The following DLGAP1 variants were observed in gnomAD, a reference collection of about 807,000 sequenced individuals.
DLGAP1 encodes the protein DLG associated protein 1.
A neutral mutation model predicts 90.8 loss-of-function variants in DLGAP1; 11 were observed. That is an observed-to-expected ratio of 0.12 (90% CI 0.08 to 0.20). DLGAP1 has a LOEUF of 0.20. DLGAP1 is among the 10% of genes least tolerant of loss of function. The pLI is 1.00. For missense variants in DLGAP1, 1,050 were observed against 1,333.8 expected, an observed-to-expected ratio of 0.79 and a Z score of 3.31; for synonymous variants, 558 against 540.7, an observed-to-expected ratio of 1.03 and a Z score of -0.44.
At chr18:4,094,035 G>A (rs1374509448) in intron 2 of DLGAP1, among the ~76,000 whole-genome samples, 32 of 151,958 alleles carry the variant, frequency 2.1e-4, no homozygotes, top group Non-Finnish European at 3.2e-4. Context: ...ATGTGGTTCT[G>A]ACATCATTGT....
chr18:3,792,946 G>A (rs970571514), intron 5 of DLGAP1, among the ~76,000 whole-genome samples: 5 of 152,038 alleles, frequency 3.3e-5, no homozygotes, highest in African/African-American at 9.7e-5. Flanking sequence ...CTGGTGTCTC[G>A]ACCTCCCTCA....
chr18:4,120,742 C>T (rs960901291), intron 2 of DLGAP1, among the ~76,000 whole-genome samples: 1 of 148,164 alleles, frequency 6.7e-6, no homozygotes, highest in Non-Finnish European at 1.5e-5. Context: ...CCTTCTCCCT[C>T]CCTCCGTCCT....
chr18:4,404,281 A>G (rs1391143906), intron 1 of DLGAP1, among the ~76,000 whole-genome samples: 2 of 152,232 alleles, frequency 1.3e-5, no homozygotes, highest in African/African-American at 4.8e-5. Flanking sequence ...ATAGCATTAG[A>G]TAACTCAAAA....
intron 3 of DLGAP1, among the ~76,000 whole-genome samples, chr18:3,937,503 C>G (rs1291439502): frequency 6.6e-6 from 1 of 152,092 alleles, no homozygotes; most frequent in African/African-American, 2.4e-5. Flanking sequence ...CGTGACCCCG[C>G]CCTTGATACA....
intron 3 of DLGAP1, among the ~76,000 whole-genome samples, chr18:3,923,387 T>C (rs2072312255): frequency 1.3e-5 from 2 of 152,172 alleles, no homozygotes; most frequent in African/African-American, 4.8e-5. Flanking sequence ...GCCGTTTTTG[T>C]ATTTCTTCTG....
chr18:3,986,343 C>T (rs976621459), intron 3 of DLGAP1: 2 of 152,174 alleles, frequency 1.3e-5, no homozygotes, highest in African/African-American at 4.8e-5. Context: ...CATTTTCTAT[C>T]CTTCAACTTA....
chr18:4,168,853 G>A (rs2076977563), intron 1 of DLGAP1, among the ~76,000 whole-genome samples: 1 of 152,120 alleles, frequency 6.6e-6, no homozygotes, highest in Non-Finnish European at 1.5e-5. Flanking sequence ...CAAGTAGCTG[G>A]AACTACTGGT....
chr18:3,954,134 G>T (rs886376234), intron 3 of DLGAP1, among the ~76,000 whole-genome samples: 1 of 152,054 alleles, frequency 6.6e-6, no homozygotes, highest in African/African-American at 2.4e-5. Flanking sequence ...AAAGTAAGAA[G>T]GTATTTTTAT....
intron 1 of DLGAP1, among the ~76,000 whole-genome samples, chr18:4,251,084 A>G (rs2078769885): frequency 6.6e-6 from 1 of 152,200 alleles, no homozygotes; most frequent in Non-Finnish European, 1.5e-5. Flanking sequence ...AACCCTAGAA[A>G]CACAGAAGTG....
At chr18:4,131,791 C>G (rs576938628) in intron 2 of DLGAP1, among the ~76,000 whole-genome samples, 2 of 152,106 alleles carry the variant, frequency 1.3e-5, no homozygotes, top group Admixed American at 6.6e-5. Flanking sequence ...TAAGTGATAG[C>G]GTAAAGAAAT....
chr18:4,285,966 A>T (rs1196776804), intron 1 of DLGAP1, among the ~76,000 whole-genome samples: 1 of 152,222 alleles, frequency 6.6e-6, no homozygotes, highest in Non-Finnish European at 1.5e-5. Context: ...CTTTTAAAGT[A>T]GCCTGGTCCC....
At chr18:3,609,786 G>A (rs1392190770) in intron 7 of DLGAP1, among the ~76,000 whole-genome samples, 4 of 151,146 alleles carry the variant, frequency 2.6e-5, no homozygotes, top group African/African-American at 7.3e-5. Context: ...GGCCGGGCGC[G>A]GTGGCTCACG....
At chr18:3,872,014 G>C (rs2070776092) in intron 4 of DLGAP1, among the ~76,000 whole-genome samples, 1 of 152,086 alleles carries the variant, frequency 6.6e-6, no homozygotes, top group Admixed American at 6.6e-5. Context: ...CCAGTTGACA[G>C]AGAACAGTGA....
chr18:3,636,048 C>T (rs1261186376), intron 7 of DLGAP1, among the ~76,000 whole-genome samples: 1 of 151,508 alleles, frequency 6.6e-6, no homozygotes, highest in South Asian at 2.1e-4. Context: ...TTATCTTCTG[C>T]CTCTTCCTAT....
intron 4 of DLGAP1, among the ~76,000 whole-genome samples, chr18:3,872,783 A>C (rs142665669): frequency 1.3e-5 from 2 of 152,316 alleles, no homozygotes; most frequent in East Asian, 3.9e-4. Flanking sequence ...ACCTTGATTT[A>C]CTGTCTTTAA....
At chr18:3,719,953 A>G (rs1338271028) in intron 7 of DLGAP1, among the ~76,000 whole-genome samples, 3 of 152,228 alleles carry the variant, frequency 2.0e-5, no homozygotes. Context: ...GGTGAAAAAG[A>G]CATTTAAGGT....
At chr18:4,140,987 T>C (rs2076486230) in intron 2 of DLGAP1, among the ~76,000 whole-genome samples, 1 of 152,022 alleles carries the variant, frequency 6.6e-6, no homozygotes, top group African/African-American at 2.4e-5. Flanking sequence ...CTTTGGAAGT[T>C]TGACTACTAA....
At chr18:3,781,551 C>A (rs1469152616) in intron 5 of DLGAP1, among the ~76,000 whole-genome samples, 1 of 151,980 alleles carries the variant, frequency 6.6e-6, no homozygotes, top group Non-Finnish European at 1.5e-5. Context: ...GATGGGGTTT[C>A]ACCATGTTGG....
intron 1 of DLGAP1, among the ~76,000 whole-genome samples, chr18:4,184,788 C>T (rs1358975300): frequency 2.6e-5 from 4 of 151,936 alleles, no homozygotes; most frequent in African/African-American, 4.8e-5. Context: ...TGCAAGTTAC[C>T]GCATACACAT....
Sources: allele counts gnomAD v4.1 joint callset (sites outside exome capture counted in the v4.1 genomes callset), GRCh38; gene constraint gnomAD v4.1.1; transcripts MANE v1.5; gene names NCBI Gene and HGNC (gene_info 2026-07-23, HGNC 2026-07-21).